Variants in SYN3 observed in about 807,000 individuals in gnomAD.
The protein encoded by SYN3 is synapsin III, also known as synapsin-3.
In SYN3, 35 loss-of-function variants were observed where a neutral mutation model predicts 65.8. The observed-to-expected ratio is 0.53, with a 90% CI of 0.41 to 0.70. SYN3 has a LOEUF of 0.70. Ranked by LOEUF, SYN3 falls within the 30% of genes least tolerant of loss-of-function variation. SYN3 has a pLI of 0.00. For synonymous variants in SYN3, 270 were observed against 292.9 expected (o/e 0.92, Z 0.80); for missense variants, 680 against 749.0 (o/e 0.91, Z 1.08).
intron 6 of SYN3, among the ~76,000 whole-genome samples, chr22:32,740,205 A>G (rs1475037081): frequency 1.3e-5 from 2 of 152,208 alleles, no homozygotes; most frequent in East Asian, 3.9e-4. Context: ...TTAGCAGCCA[A>G]TTTGGTGCTT....
intron 6 of SYN3, among the ~76,000 whole-genome samples, chr22:32,853,862 AC>A (rs1447944777): frequency 6.6e-6 from 1 of 152,226 alleles, no homozygotes. Context: ...AGAAACTGAG[AC>A]CCAAAGAGGT....
intron 6 of SYN3, among the ~76,000 whole-genome samples, chr22:32,832,666 C>A (rs1259252471): frequency 1.3e-5 from 2 of 150,532 alleles, no homozygotes; most frequent in African/African-American, 2.5e-5. Flanking sequence ...GGTTTGAAAA[C>A]CCTCGAGTAT....
Position 32,801,359 on chromosome 22 carries a change from TG to T in SYN3, c.711+63555del, listed in dbSNP as rs1162446731. On this transcript the variant is annotated intron_variant, in intron 6 of 13. Transcript: ENST00000358763. The surrounding 1 kb of genome is among the most constrained non-coding windows in gnomAD (Gnocchi z 4.7). ...GGGGTGGGTGGGTGTTAGTTGGTTC[TG>T]GTTTGGGTCAGAGACACCCAGTGGC... Among the ~76,000 whole-genome samples, 2 of 152,192 alleles carry T rather than the reference TG, an allele frequency of 1.3e-5. No individual in the cohort carries two copies. The highest frequency in any genetic ancestry group is 1.3e-4 in the Admixed American group (2 of 15,292).
chr22:32,753,997 A>AACT (rs1174634253), intron 6 of SYN3, among the ~76,000 whole-genome samples: 2 of 152,156 alleles, frequency 1.3e-5, no homozygotes, highest in Non-Finnish European at 2.9e-5. Context: ...CTGACTCCAG[A>AACT]ACTCTTCTTT....
At chr22:32,729,217 C>T (rs527990551) in intron 6 of SYN3, among the ~76,000 whole-genome samples, 140 of 152,312 alleles carry the variant, frequency 9.2e-4, no homozygotes, top group Non-Finnish European at 1.5e-3. Context: ...ATCCTCTTTC[C>T]GGGCTTGAGA....
At chr22:32,885,403 C>T (rs1182348248) in intron 4 of SYN3, among the ~76,000 whole-genome samples, 1 of 152,162 alleles carries the variant, frequency 6.6e-6, no homozygotes, top group African/African-American at 2.4e-5. Context: ...ACTGTTCCTT[C>T]ACGTTATCAG....
At chr22:32,595,123 A>G (rs923397902) in intron 7 of SYN3, among the ~76,000 whole-genome samples, 1 of 152,204 alleles carries the variant, frequency 6.6e-6, no homozygotes, top group African/African-American at 2.4e-5. Flanking sequence ...TCTGATGCAC[A>G]TGGTTTGACT....
At chr22:32,538,134 T>C in intron 8 of SYN3, 24 bp from the exon 9 acceptor site, 2 of 1,611,036 alleles carry the variant, frequency 1.2e-6, no homozygotes, top group Non-Finnish European at 1.7e-6. Flanking sequence ...AACAACACAT[T>C]GAGGGAATTA....
Position 32,706,731 on chromosome 22 carries a change from T to C in SYN3, c.712-109995A>G, listed in dbSNP as rs1471770771. 3.3e-5 allele frequency among the ~76,000 whole-genome samples: 5 copies of C among 152,408 alleles called. No individual in the cohort carries two copies. In the Middle Eastern group the frequency reaches 0.01, roughly 311 times the overall value. On this transcript the variant is annotated intron_variant, in intron 6 of 13. Transcript: ENST00000358763. Reference sequence around the variant, plus strand: ...TGACTGATTTAGAGCCTTTTGGTGCTGAGGCACCCTTTGCTCCCTGACCAG... The same window carrying C: ...TGACTGATTTAGAGCCTTTTGGTGCCGAGGCACCCTTTGCTCCCTGACCAG...
intron 6 of SYN3, among the ~76,000 whole-genome samples, chr22:32,735,248 T>C (rs980976087): frequency 9.2e-5 from 14 of 152,170 alleles, no homozygotes; most frequent in Non-Finnish European, 1.8e-4. Context: ...AGACTTTGGG[T>C]AAATAACTCA....
intron 6 of SYN3, among the ~76,000 whole-genome samples, chr22:32,773,085 A>G (rs903798858): frequency 2.6e-5 from 4 of 152,188 alleles, no homozygotes; most frequent in Admixed American, 2.0e-4. Flanking sequence ...TTGTGTCCCA[A>G]TACAACTGGG....
rs147444092 is a variant in SYN3 at position 32,556,164 on chromosome 22, G to A, written c.775-14451C>T. On this transcript the variant is annotated intron_variant, in intron 7 of 13. Coordinates refer to ENST00000358763, the MANE Select transcript of SYN3 (RefSeq NM_003490.4). ...CAGATTCACGTATTAAGTAGTTAGA[G>A]CGAAATAGCTTATTAAGTGTTTACA... is the stretch of plus-strand genomic sequence containing the variant. 9.8e-5 allele frequency among the ~76,000 whole-genome samples: 15 copies of A among 152,296 alleles called. No homozygotes were observed. In the East Asian group the frequency reaches 2.9e-3, roughly 29 times the overall value.
chr22:32,521,085 A>C (rs988033057), intron 12 of SYN3, among the ~76,000 whole-genome samples: 4 of 152,010 alleles, frequency 2.6e-5, no homozygotes, highest in Admixed American at 2.6e-4. Context: ...GGTCACATTT[A>C]TCTCAAACAC....
intron 6 of SYN3, among the ~76,000 whole-genome samples, chr22:32,787,241 T>C (rs1445864402): frequency 6.6e-6 from 1 of 152,048 alleles, no homozygotes; most frequent in Admixed American, 6.6e-5. Context: ...AGAGATAGGA[T>C]TTCACCATGT....
intron 3 of SYN3, among the ~76,000 whole-genome samples, chr22:32,970,987 G>A (rs925511775): frequency 2.0e-5 from 3 of 152,188 alleles, no homozygotes; most frequent in African/African-American, 7.2e-5. Flanking sequence ...CACATGCCTG[G>A]GCAATTTATT....
intron 7 of SYN3, among the ~76,000 whole-genome samples, chr22:32,580,421 G>A (rs1361233658): frequency 6.6e-6 from 1 of 152,154 alleles, no homozygotes; most frequent in African/African-American, 2.4e-5. Context: ...ACAGTAGATT[G>A]CTATAATTGT....
Position 32,513,357 on chromosome 22 carries a change from T to C in SYN3, c.*335A>G, listed in dbSNP as rs547109914. 1.7e-5 allele frequency: 4 copies of C among 233,302 alleles called. No homozygotes were observed. Among genetic ancestry groups the C allele is most frequent in the Non-Finnish European group, 3.4e-5 (4 of 118,946 alleles). The allele number at this position is 233,302 out of a possible 1,614,324, so 14.5% of individuals were successfully genotyped here. On this transcript the variant is annotated 3_prime_UTR_variant, in exon 14 of 14. Transcript: ENST00000358763. ...AAGGTGAGCCAAACACTAGTAAGAA[T>C]GTGAAAACTAGCCACTCGCAGACAT...
At chr22:32,956,052 AT>A (rs2051445466) in intron 3 of SYN3, among the ~76,000 whole-genome samples, 1 of 148,006 alleles carries the variant, frequency 6.8e-6, no homozygotes, top group Admixed American at 6.7e-5. Flanking sequence ...ATATATATAT[AT>A]ATATATATAA....
intron 7 of SYN3, among the ~76,000 whole-genome samples, chr22:32,569,275 C>CTATCTATA (rs1220065549): frequency 6.6e-6 from 1 of 150,608 alleles, no homozygotes; most frequent in Non-Finnish European, 1.5e-5. Context: ...ATCTATCTAT[C>CTATCTATA]TATCTATCTA....
Sources: gnomAD v4.1 joint callset for allele counts (sites outside exome capture counted in the v4.1 genomes callset) on GRCh38, gnomAD v4.1.1 for gene constraint, Gnocchi (gnomAD v3.1) non-coding constraint, MANE v1.5 for transcripts, NCBI Gene and HGNC (gene_info 2026-07-23, HGNC 2026-07-21) for gene names.